Variants in UBL3 observed in about 807,000 individuals in gnomAD.
UBL3 encodes the protein ubiquitin-like protein 3.
UBL3 carries 6 observed loss-of-function variants against 18.4 expected under a neutral mutation model. The ratio of observed to expected loss-of-function variants is 0.33; its 90% CI spans 0.18 to 0.64. The LOEUF (loss-of-function observed/expected upper bound fraction) is 0.64. Ranked by LOEUF, UBL3 falls within the 30% of genes least tolerant of loss-of-function variation. The pLI is 0.76. For synonymous variants in UBL3, 49 were observed against 46.6 expected, an observed-to-expected ratio of 1.05 and a Z score of -0.21; for missense variants, 109 against 142.9, an observed-to-expected ratio of 0.76 and a Z score of 1.21.
intron 3 of UBL3, among the ~76,000 whole-genome samples, chr13:29,769,367 T>C (rs1217314392): frequency 6.6e-6 from 1 of 152,094 alleles, no homozygotes; most frequent in Non-Finnish European, 1.5e-5. Flanking sequence ...TTAATAACAT[T>C]TAAAAATGTG....
chr13:29,774,659 G>T lies in UBL3; in HGVS notation c.137-2461C>A, dbSNP rs890068412. Among the ~76,000 whole-genome samples the T allele has an allele frequency of 4.6e-5, 7 of 152,116 alleles. No individual in the cohort carries two copies. In the East Asian group the frequency reaches 1.4e-3, roughly 29 times the overall value. On this transcript the variant is annotated intron_variant, in intron 2 of 4. Coordinates refer to ENST00000380680, the MANE Select transcript of UBL3 (RefSeq NM_007106.4). ...TAATGTGAAGAAAGATCCAGTAGTT[G>T]AAAGTATTTGTATAAATCAGTATTT...
intron 1 of UBL3, among the ~76,000 whole-genome samples, chr13:29,795,419 A>C (rs1368885448): frequency 2.6e-5 from 4 of 151,826 alleles, no homozygotes; most frequent in Non-Finnish European, 5.9e-5. Flanking sequence ...AATAACTGCT[A>C]ATACATATAA....
At chr13:29,781,810 C>T (rs1877181898) in intron 1 of UBL3, among the ~76,000 whole-genome samples, 2 of 142,316 alleles carry the variant, frequency 1.4e-5, no homozygotes, top group African/African-American at 2.7e-5. Flanking sequence ...AAATTGCGAC[C>T]CTGTCTCTAC....
chr13:29,793,660 C>A (rs1338855812), intron 1 of UBL3, among the ~76,000 whole-genome samples: 2 of 152,116 alleles, frequency 1.3e-5, no homozygotes, highest in Admixed American at 6.6e-5. Flanking sequence ...TCTACACCTA[C>A]AATCCTCAAG....
intron 1 of UBL3, among the ~76,000 whole-genome samples, chr13:29,846,887 T>C (rs760834884): frequency 3.2e-4 from 49 of 152,166 alleles, no homozygotes; most frequent in Non-Finnish European, 6.0e-4. Flanking sequence ...CTAGCAAAAA[T>C]GTATTTAACA....
chr13:29,778,449 T>A (rs1160809714), intron 1 of UBL3, among the ~76,000 whole-genome samples: 1 of 152,200 alleles, frequency 6.6e-6, no homozygotes, highest in Non-Finnish European at 1.5e-5. Flanking sequence ...AAAGAGTAAG[T>A]AAGATCCTAC....
intron 1 of UBL3, among the ~76,000 whole-genome samples, chr13:29,831,421 C>T (rs976606757): frequency 1.3e-5 from 2 of 152,020 alleles, no homozygotes; most frequent in Non-Finnish European, 2.9e-5. Context: ...GAAAACCCGT[C>T]TCTACTAAAA....
intron 1 of UBL3, among the ~76,000 whole-genome samples, chr13:29,832,758 T>C (rs955567425): frequency 4.6e-5 from 7 of 152,220 alleles, no homozygotes; most frequent in Non-Finnish European, 8.8e-5. Context: ...CTGGCTACTT[T>C]TCCTTGGTCC....
chr13:29,805,205 C>G (rs1165419518), intron 1 of UBL3, among the ~76,000 whole-genome samples: 1 of 152,144 alleles, frequency 6.6e-6, no homozygotes, highest in African/African-American at 2.4e-5. Context: ...AAAACATACA[C>G]CTATATCAAA....
At chr13:29,798,638 G>T (rs1046590037) in intron 1 of UBL3, among the ~76,000 whole-genome samples, 5 of 152,254 alleles carry the variant, frequency 3.3e-5, no homozygotes, top group Non-Finnish European at 5.9e-5. Flanking sequence ...AGTATGAATA[G>T]AGTAGTCTGA....
rs1225605859 is a variant in UBL3 at position 29,849,602 on chromosome 13, T to A, written c.-64A>T. ...ACAAACAAAGAAAAAAGAGCAGAAG[T>A]CTTCACGTTACAGAAATAAACCACG... On this transcript the variant is annotated 5_prime_UTR_variant, in exon 1 of 5. Coordinates refer to ENST00000380680, the MANE Select transcript of UBL3 (RefSeq NM_007106.4). 1.1e-5 allele frequency: 18 copies of A among 1,595,056 alleles called. No homozygotes were observed. The highest frequency in any genetic ancestry group is 1.5e-5 in the Non-Finnish European group (18 of 1,167,274).
At chr13:29,788,779 TG>T in intron 1 of UBL3, among the ~76,000 whole-genome samples, 1 of 151,538 alleles carries the variant, frequency 6.6e-6, no homozygotes, top group African/African-American at 2.4e-5. Context: ...AGTTTGGAAA[TG>T]GGTTAAAAAA....
chr13:29,839,222 T>G (rs1331391227), intron 1 of UBL3, among the ~76,000 whole-genome samples: 4 of 152,158 alleles, frequency 2.6e-5, no homozygotes, highest in African/African-American at 4.8e-5. Context: ...CACTGTCAAT[T>G]TTCTAAAACT....
At chr13:29,829,302 G>T (rs1225439192) in intron 1 of UBL3, among the ~76,000 whole-genome samples, 2 of 152,196 alleles carry the variant, frequency 1.3e-5, no homozygotes, top group Non-Finnish European at 2.9e-5. Context: ...GTCTACAGAG[G>T]CAGGCAGGCC....
intron 1 of UBL3, among the ~76,000 whole-genome samples, chr13:29,787,682 A>T (rs1056079562): frequency 6.6e-6 from 1 of 152,214 alleles, no homozygotes; most frequent in African/African-American, 2.4e-5. Context: ...CTATTAACTT[A>T]AATAACAAAT....
chr13:29,816,680 A>G (rs189222983), intron 1 of UBL3, among the ~76,000 whole-genome samples: 191 of 143,800 alleles, frequency 1.3e-3, no homozygotes, highest in Non-Finnish European at 2.5e-3. Context: ...GTTTGAGCCC[A>G]TGAGTTCATG....
chr13:29,812,187 C>T (rs1379293845), intron 1 of UBL3, among the ~76,000 whole-genome samples: 1 of 151,992 alleles, frequency 6.6e-6, no homozygotes, highest in Non-Finnish European at 1.5e-5. Context: ...ATTATTTATT[C>T]CCCATGTAAA....
rs557218938 is a variant in UBL3, at chr13:29,764,949, T to G, written c.*2306A>C. Reference sequence around the variant, plus strand: ...TATACTATTAAGGCATCTAAATTTTTGGTGTTTTCAGTATATAATTTTACT... The same window carrying G: ...TATACTATTAAGGCATCTAAATTTTGGGTGTTTTCAGTATATAATTTTACT... On this transcript the variant is annotated 3_prime_UTR_variant, in exon 5 of 5. Coordinates refer to ENST00000380680, the MANE Select transcript of UBL3 (RefSeq NM_007106.4). 6.6e-6 allele frequency: 1 copy of G among 152,312 alleles called. No individual in the cohort carries two copies. The highest frequency in any genetic ancestry group is 2.1e-4 in the South Asian group (1 of 4,826). 9.4% of individuals were successfully genotyped at this position (152,312 alleles called of 1,614,324 possible).
chr13:29,770,081 T>G (rs1876800013), intron 3 of UBL3, among the ~76,000 whole-genome samples: 1 of 152,094 alleles, frequency 6.6e-6, no homozygotes, highest in Non-Finnish European at 1.5e-5. Context: ...ATCCTAAGTC[T>G]AATTCACAGG....
Sources: gnomAD v4.1 joint callset for allele counts (sites outside exome capture counted in the v4.1 genomes callset) on GRCh38, gnomAD v4.1.1 for gene constraint, MANE v1.5 for transcripts, NCBI Gene and HGNC (gene_info 2026-07-23, HGNC 2026-07-21) for gene names.